ADH1A: variants seen among roughly 807,000 people sequenced by gnomAD.
ADH1A encodes the protein alcohol dehydrogenase 1A (class I), alpha polypeptide.
In ADH1A, 29 loss-of-function variants were observed where a neutral mutation model predicts 35.2. That is an observed-to-expected ratio of 0.82 (90% CI 0.61 to 1.12). The LOEUF (loss-of-function observed/expected upper bound fraction) is 1.12, where lower values mean the gene tolerates loss of function less well. Among genes scored for constraint, ADH1A ranks in the 50% most tolerant of loss-of-function variants. The pLI is 0.00. For missense variants in ADH1A, 469 were observed against 464.7 expected (o/e 1.01, Z -0.09); for synonymous variants, 147 against 164.8 (o/e 0.89, Z 0.83).
chr4:99,287,504 C>T, intron 2 of ADH1A, 60 bp downstream of exon 2: 4 of 1,543,596 alleles, frequency 2.6e-6, no homozygotes, highest in Non-Finnish European at 2.6e-6. Flanking sequence ...TTGGTTGTTT[C>T]CGTTTTTTAA....
Position 99,276,524 on chromosome 4 carries a change from C to A in ADH1A, c.*100G>T. Reference sequence around the variant, plus strand: ...CCCAAATGTAATTTATTGATAAAATCTGTGATGAGCAGAATTAATGATATT... The same window carrying A: ...CCCAAATGTAATTTATTGATAAAATATGTGATGAGCAGAATTAATGATATT... On this transcript the variant is annotated 3_prime_UTR_variant, in exon 9 of 9. Coordinates refer to ENST00000209668, the MANE Select transcript of ADH1A (RefSeq NM_000667.4). 1 of 1,041,714 alleles carries A rather than the reference C, an allele frequency of 9.6e-7. No homozygotes were observed. The highest frequency in any genetic ancestry group is 2.4e-5 in the East Asian group (1 of 41,418). The allele number at this position is 1,041,714 out of a possible 1,614,324, so 64.5% of individuals were successfully genotyped here. A position where few individuals can be genotyped will look rare whatever the true frequency, so the allele number is the denominator to read the frequency against.
In ADH1A at chr4:99,279,553, T is replaced by A. The variant is rs780861293; in HGVS notation, c.976A>T (p.Lys326Ter). 3 of 1,609,958 alleles carry A rather than the reference T, an allele frequency of 1.9e-6. No individual in the cohort carries two copies. The highest frequency in any genetic ancestry group is 3.4e-5 in the Admixed American group (2 of 59,302). Residue 326 changes from lysine (K) to a stop codon, truncating the protein, a stop_gained, in exon 8 of 9, where the codon AAA becomes TAA. Transcript: ENST00000209668. LOFTEE classifies it high-confidence loss of function. ...KGAILGGFKS[K>*]ECVPKLVADF... is the part of the protein sequence containing the mutation. ...GCCACAAGTTTTGGGACACATTCTTTACTTTTAAAGCCTGAAAAGAAGATG... is the reference window on the plus strand; with the variant it reads ...GCCACAAGTTTTGGGACACATTCTTAACTTTTAAAGCCTGAAAAGAAGATG...
rs764209859 is a variant in ADH1A at position 99,280,171 on chromosome 4, G to A, written c.937C>T (p.Arg313Cys). ...SMNPMLLLTG[R>C]TWKGAILGGF... is the part of the protein sequence containing the mutation. ...CCAAGAATAGCTCCCTTCCAGGTAC[G>A]TCCAGTCAGTAGCAGCATAGGGTTC... Residue 313 changes from arginine to cysteine, a missense_variant, in exon 7 of 9, where the codon CGT becomes TGT. Physicochemically the swap from Arg to Cys is radical, Grantham distance 180. Transcript: ENST00000209668. The A allele has an allele frequency of 1.7e-5, 28 of 1,613,686 alleles. No homozygotes were observed. Among genetic ancestry groups the A allele is most frequent in the African/African-American group, 5.3e-5 (4 of 74,888 alleles).
At chr4:99,287,022 T>G in intron 2 of ADH1A, 34 bp from the exon 3 acceptor site, 3 of 1,593,952 alleles carry the variant, frequency 1.9e-6, no homozygotes, top group Non-Finnish European at 2.6e-6. Context: ...TATAAAAGAT[T>G]GTGAGTCTCA....
chr4:99,282,304 A>C lies in ADH1A; in HGVS notation c.828+42T>G, dbSNP rs200003314. On this transcript the variant is annotated intron_variant, in intron 6 of 8. Coordinates refer to ENST00000209668, the MANE Select transcript of ADH1A (RefSeq NM_000667.4). ...TTCTGCAGCCTAAATGCATCCTCCA[A>C]GTTGTAGAGGCAGAAATCTCAGGGC... is the stretch of plus-strand genomic sequence containing the variant. 6.2e-6 allele frequency: 10 copies of C among 1,614,156 alleles called. No individual in the cohort carries two copies. The Admixed American group carries it at 1.2e-4, about 19-fold the overall frequency.
intron 8 of ADH1A, 47 bp downstream of exon 8, chr4:99,279,379 C>A (rs748069233): frequency 1.9e-6 from 3 of 1,564,128 alleles, no homozygotes; most frequent in South Asian, 1.2e-5. Context: ...AGACAATCCC[C>A]TATGGTAGAA....
chr4:99,286,622 T>C (rs1733158329), intron 3 of ADH1A: 1 of 589,092 alleles, frequency 1.7e-6, no homozygotes, highest in Non-Finnish European at 2.7e-6. Flanking sequence ...GTGACTGGCA[T>C]CTAGCAGATG....
At chr4:99,281,463 G>A (rs192216709) in intron 6 of ADH1A, among the ~76,000 whole-genome samples, 135 of 152,288 alleles carry the variant, frequency 8.9e-4, no homozygotes, top group African/African-American at 3.0e-3. Context: ...AACTGAGGCC[G>A]GGCGTGGTAG....
chr4:99,279,607 G>A (rs1200534987), intron 7 of ADH1A, 43 bp from the exon 8 acceptor site: 2 of 1,574,696 alleles, frequency 1.3e-6, no homozygotes, highest in Non-Finnish European at 1.7e-6. Flanking sequence ...ACCAGGGTAA[G>A]TAGGAGAATT....
chr4:99,280,659 G>A (rs1405130080), intron 6 of ADH1A, among the ~76,000 whole-genome samples: 1 of 151,984 alleles, frequency 6.6e-6, no homozygotes, highest in Non-Finnish European at 1.5e-5. Context: ...TTATTACATA[G>A]GTATTTTGAA....
chr4:99,284,455 A>G lies in ADH1A; in HGVS notation c.511T>C (p.Cys171Arg). 6.2e-7 allele frequency: 1 copy of G among 1,614,112 alleles called. No homozygotes were observed. The highest frequency in any genetic ancestry group is 8.5e-7 in the Non-Finnish European group (1 of 1,179,960). The change falls in exon 5 of 9, where the codon TGT (cysteine) becomes CGT (arginine). Residue 171 changes from cysteine to arginine, a missense_variant. Coordinates refer to ENST00000209668, the MANE Select transcript of ADH1A (RefSeq NM_000667.4). ...IDAASPLEKV[C>R]LIGCGFSTGY... ...GTTGAAAATCCACAGCCAATGAGACAGACTTTCTCTAGAGGCGAGGCTGCA... is the reference window on the plus strand; with the variant it reads ...GTTGAAAATCCACAGCCAATGAGACGGACTTTCTCTAGAGGCGAGGCTGCA...
At chr4:99,286,706 G>C in intron 3 of ADH1A, 144 bp downstream of exon 3, 1 of 1,367,660 alleles carries the variant, frequency 7.3e-7, no homozygotes, top group Admixed American at 2.2e-5. Context: ...GGCAGGAAGA[G>C]AGGGAAAGAG....
chr4:99,283,021 A>G (rs921717215), intron 5 of ADH1A, among the ~76,000 whole-genome samples: 1 of 152,214 alleles, frequency 6.6e-6, no homozygotes, highest in Non-Finnish European at 1.5e-5. Context: ...TAACTCATAT[A>G]TACACAAAGG....
chr4:99,288,482 A>G (rs1645545698), intron 1 of ADH1A, among the ~76,000 whole-genome samples: 1 of 152,350 alleles, frequency 6.6e-6, no homozygotes, highest in Non-Finnish European at 1.5e-5. Context: ...AGATGTACAC[A>G]TAATTTCCAG....
chr4:99,283,077 C>T (rs774113039), intron 5 of ADH1A, among the ~76,000 whole-genome samples: 30 of 152,136 alleles, frequency 2.0e-4, no homozygotes, highest in Non-Finnish European at 4.0e-4. Flanking sequence ...CTCCAGGAGA[C>T]TGAAAAATAT....
At chr4:99,280,492 A>C (rs949099312) in intron 6 of ADH1A, among the ~76,000 whole-genome samples, 1 of 152,196 alleles carries the variant, frequency 6.6e-6, no homozygotes, top group Non-Finnish European at 1.5e-5. Context: ...GAATGGATGA[A>C]TAAATTGGAG....
intron 2 of ADH1A, 131 bp from the exon 3 acceptor site, chr4:99,287,119 T>C: frequency 8.6e-7 from 1 of 1,164,086 alleles, no homozygotes; most frequent in Non-Finnish European, 1.2e-6. Context: ...ATCCCAAGTA[T>C]GAAAGATTCA....
At chr4:99,287,728 C>T in intron 1 of ADH1A, 63 bp from the exon 2 acceptor site, 1 of 1,572,494 alleles carries the variant, frequency 6.4e-7, no homozygotes, top group Middle Eastern at 1.7e-4. Context: ...GATATTGTGT[C>T]ATTTCATCTT....
chr4:99,287,477 G>T, intron 2 of ADH1A, 87 bp downstream of exon 2: 1 of 1,278,388 alleles, frequency 7.8e-7, no homozygotes, highest in Non-Finnish European at 1.1e-6. Context: ...CTATTTTCTG[G>T]ATGATCATAT....
Sources: gnomAD v4.1 joint callset for allele counts (sites outside exome capture counted in the v4.1 genomes callset) on GRCh38, gnomAD v4.1.1 for gene constraint, MANE v1.5 for transcripts, NCBI Gene and HGNC (gene_info 2026-07-23, HGNC 2026-07-21) for gene names.